The following RAB6B variants were observed in gnomAD, a reference collection of about 807,000 sequenced individuals.
RAB6B encodes RAB6B, member RAS oncogene family.
In RAB6B, 7 loss-of-function variants were observed where a neutral mutation model predicts 31.2. The ratio of observed to expected loss-of-function variants is 0.22; its 90% CI spans 0.13 to 0.42. RAB6B has a LOEUF of 0.42. Ranked by LOEUF, RAB6B falls within the 10% of genes least tolerant of loss-of-function variation. The pLI is 1.00. For missense variants in RAB6B, 149 were observed against 280.6 expected (o/e 0.53, Z 3.35); for synonymous variants, 105 against 104.9 (o/e 1.00, Z -0.01).
chr3:133,864,139 CGTGT>C (rs1190954344), intron 2 of RAB6B, among the ~76,000 whole-genome samples: 31 of 116,088 alleles, frequency 2.7e-4, no homozygotes, highest in Admixed American at 4.2e-4. Context: ...TGTGTGCGCG[CGTGT>C]GTGTGTTTGT....
At chr3:133,889,392 A>T (rs576978605) in intron 1 of RAB6B, among the ~76,000 whole-genome samples, 1,088 of 11,086 alleles carry the variant, frequency 0.098, 35 homozygotes, top group Non-Finnish European at 0.14. Flanking sequence ...ATTTTGTTAT[A>T]TATATATATA....
intron 2 of RAB6B, among the ~76,000 whole-genome samples, chr3:133,853,018 T>C (rs1037852523): frequency 2.6e-5 from 4 of 152,212 alleles, no homozygotes; most frequent in African/African-American, 7.2e-5. Flanking sequence ...ATGCTAGTTT[T>C]TCCTCCTCTG....
chr3:133,833,691 C>G (rs2107986686), intron 7 of RAB6B, among the ~76,000 whole-genome samples: 1 of 152,332 alleles, frequency 6.6e-6, no homozygotes, highest in African/African-American at 2.4e-5. Context: ...GATGTCTACC[C>G]TCAGAGGCCT....
At chr3:133,853,435 C>T (rs954870032) in intron 2 of RAB6B, among the ~76,000 whole-genome samples, 1 of 151,476 alleles carries the variant, frequency 6.6e-6, no homozygotes, top group East Asian at 1.9e-4. Flanking sequence ...GAAGAGGACG[C>T]TCCACAGGCC....
intron 4 of RAB6B, among the ~76,000 whole-genome samples, chr3:133,840,638 AC>A (rs1483990074): frequency 6.6e-6 from 1 of 152,212 alleles, no homozygotes; most frequent in African/African-American, 2.4e-5. Context: ...CAGGGTAACC[AC>A]AGCCCTGAGG....
At chr3:133,851,861 G>A (rs1330340207) in intron 2 of RAB6B, among the ~76,000 whole-genome samples, 12 of 152,292 alleles carry the variant, frequency 7.9e-5, no homozygotes, top group Non-Finnish European at 1.5e-4. Flanking sequence ...ACCTTCATGG[G>A]CTGACTCCTT....
At chr3:133,872,188 C>T (rs1033961488) in intron 1 of RAB6B, among the ~76,000 whole-genome samples, 2 of 152,252 alleles carry the variant, frequency 1.3e-5, no homozygotes, top group African/African-American at 4.8e-5. Flanking sequence ...AAAGGCAAGT[C>T]TGCTTCCTCA....
intron 2 of RAB6B, 138 bp from the exon 3 acceptor site, chr3:133,841,801 C>T (rs1935837304): frequency 4.2e-6 from 3 of 716,364 alleles, no homozygotes; most frequent in South Asian, 1.8e-5. Context: ...CTCTGTCCTC[C>T]CTGCCCCTCC....
At chr3:133,893,869 G>C (rs1315170956) in intron 1 of RAB6B, among the ~76,000 whole-genome samples, 1 of 152,136 alleles carries the variant, frequency 6.6e-6, no homozygotes, top group Non-Finnish European at 1.5e-5. Context: ...GGTATGGTCA[G>C]CTCTATGAAA....
intron 2 of RAB6B, among the ~76,000 whole-genome samples, chr3:133,843,747 T>C (rs1415254448): frequency 6.6e-6 from 1 of 152,210 alleles, no homozygotes; most frequent in African/African-American, 2.4e-5. Flanking sequence ...GATGTGAACG[T>C]GATGTAGGCA....
chr3:133,876,517 TAA>T (rs1007982834), intron 1 of RAB6B, among the ~76,000 whole-genome samples: 1 of 152,066 alleles, frequency 6.6e-6, no homozygotes, highest in African/African-American at 2.4e-5. Context: ...TTATGTAAGC[TAA>T]AAAGAGAAAG....
chr3:133,865,777 C>G (rs1408796090), intron 1 of RAB6B, among the ~76,000 whole-genome samples: 2 of 152,252 alleles, frequency 1.3e-5, no homozygotes, highest in African/African-American at 4.8e-5. Context: ...GCAGGACAAG[C>G]CAACAGGACC....
intron 6 of RAB6B, among the ~76,000 whole-genome samples, chr3:133,835,903 TA>T (rs1236733619): frequency 1.3e-5 from 2 of 152,140 alleles, no homozygotes; most frequent in African/African-American, 4.8e-5. Context: ...TCCAGAGCTG[TA>T]AGCAATACAT....
intron 1 of RAB6B, among the ~76,000 whole-genome samples, chr3:133,891,181 C>T (rs2108017808): frequency 6.6e-6 from 1 of 152,246 alleles, no homozygotes; most frequent in East Asian, 1.9e-4. Context: ...GCCTTCCAGG[C>T]AGTGGGGGCC....
At chr3:133,837,464 G>A (rs1252770809) in intron 6 of RAB6B, among the ~76,000 whole-genome samples, 1 of 152,184 alleles carries the variant, frequency 6.6e-6, no homozygotes, top group East Asian at 1.9e-4. Flanking sequence ...TCTATTGGTG[G>A]TAAAGCCATA....
At chr3:133,884,749 A>G (rs1936516208) in intron 1 of RAB6B, among the ~76,000 whole-genome samples, 1 of 150,428 alleles carries the variant, frequency 6.6e-6, no homozygotes, top group African/African-American at 2.5e-5. Context: ...CAGAGAATGG[A>G]GGACTCACAT....
Position 133,865,096 on chromosome 3 carries a change from G to A in RAB6B, c.71-454C>T, listed in dbSNP as rs560481749. ...TCCTGTTAATTCAGCCTGAAGATTG[G>A]TGGGGACAGTGGCTTTCTAAGGAAC... is the stretch of plus-strand genomic sequence containing the variant. On this transcript the variant is annotated intron_variant, in intron 1 of 7. Transcript: ENST00000285208. Among the ~76,000 whole-genome samples, 40 of 152,358 alleles carry A rather than the reference G, an allele frequency of 2.6e-4. No homozygotes were observed. In the South Asian group the frequency reaches 8.3e-3, roughly 32 times the overall value.
At position 133,883,784 on chromosome 3, in the gene RAB6B, C is replaced by T. The variant is rs1171023899; in HGVS notation, c.70+11613G>A. On this transcript the variant is annotated intron_variant, in intron 1 of 7. Transcript: ENST00000285208. ...TTCTCAGAATTAGCACAGCCACTCC[C>T]AGAGAGAAAGGTTTTCCTTATCTCT... 2.0e-5 allele frequency among the ~76,000 whole-genome samples: 3 copies of T among 152,248 alleles called. No individual in the cohort carries two copies. The South Asian group carries it at 6.2e-4, about 32-fold the overall frequency.
chr3:133,833,564 T>A (rs1487465542), intron 7 of RAB6B, among the ~76,000 whole-genome samples: 1 of 152,194 alleles, frequency 6.6e-6, no homozygotes, highest in Non-Finnish European at 1.5e-5. Flanking sequence ...CTGCCCGCCC[T>A]GCCCCAGCAG....
Sources: allele counts gnomAD v4.1 joint callset (sites outside exome capture counted in the v4.1 genomes callset), GRCh38; gene constraint gnomAD v4.1.1; transcripts MANE v1.5; gene names NCBI Gene and HGNC (gene_info 2026-07-23, HGNC 2026-07-21).